LYRM4: variants seen among roughly 807,000 people sequenced by gnomAD.
The protein encoded by LYRM4 is LYR motif containing 4.
A neutral mutation model predicts 11.7 loss-of-function variants in LYRM4; 9 were observed. The ratio of observed to expected loss-of-function variants is 0.77; its 90% confidence interval spans 0.46 to 1.34. The LOEUF (loss-of-function observed/expected upper bound fraction) is 1.34, where lower values mean the gene tolerates loss of function less well. LYRM4 is among the 40% of genes most tolerant of loss of function. LYRM4 has a pLI of 0.00. For synonymous variants in LYRM4, 42 were observed against 40.4 expected (o/e 1.04, Z -0.15); for missense variants, 133 against 112.5 (o/e 1.18, Z -0.82).
chr6:5,062,335 T>C, the LYRM4 span, among the ~76,000 whole-genome samples: 2 of 149,900 alleles, frequency 1.3e-5, no homozygotes, highest in Non-Finnish European at 3.0e-5. Flanking sequence ...TATTAACATA[T>C]ATATATATGT....
At chr6:5,043,471 C>G in the LYRM4 span, 1 of 152,162 alleles carries the variant, frequency 6.6e-6, no homozygotes, top group African/African-American at 2.4e-5. Context: ...TGATGGCCTT[C>G]TTTCTAAGTC....
intron 2 of LYRM4, among the ~76,000 whole-genome samples, chr6:5,153,507 G>C: frequency 6.6e-6 from 1 of 152,232 alleles, no homozygotes; most frequent in East Asian, 1.9e-4. Context: ...ATGAAGTGCT[G>C]CTGTTCGGTG....
chr6:5,192,309 G>T, intron 2 of LYRM4, among the ~76,000 whole-genome samples: 1 of 152,232 alleles, frequency 6.6e-6, no homozygotes, highest in South Asian at 2.1e-4. Flanking sequence ...ACGGCTGGGG[G>T]CAAGGCAGGA....
At chr6:5,115,431 C>T (rs1763074811) in intron 2 of LYRM4, among the ~76,000 whole-genome samples, 1 of 152,206 alleles carries the variant, frequency 6.6e-6, no homozygotes, top group African/African-American at 2.4e-5. Flanking sequence ...GCCGTATTCT[C>T]TATGCGGCGG....
intron 2 of LYRM4, among the ~76,000 whole-genome samples, chr6:5,143,103 C>G (rs1363167087): frequency 6.6e-6 from 1 of 152,234 alleles, no homozygotes; most frequent in South Asian, 2.1e-4. Context: ...AGTGATGCCA[C>G]TTCCTGTTCA....
chr6:5,064,074 C>G, the LYRM4 span, among the ~76,000 whole-genome samples: 3 of 152,192 alleles, frequency 2.0e-5, no homozygotes, highest in African/African-American at 7.2e-5. Context: ...GGAGCCCATT[C>G]TCAACTTGTG....
At chr6:5,152,311 A>G (rs118069822) in intron 2 of LYRM4, among the ~76,000 whole-genome samples, 2 of 152,242 alleles carry the variant, frequency 1.3e-5, no homozygotes, top group East Asian at 1.9e-4. Context: ...TGTGATGCCA[A>G]AAGCATTTCC....
At chr6:5,153,786 C>T (rs1581391558) in intron 2 of LYRM4, among the ~76,000 whole-genome samples, 1 of 152,162 alleles carries the variant, frequency 6.6e-6, no homozygotes, top group Non-Finnish European at 1.5e-5. Flanking sequence ...TGTTCATGAA[C>T]ACTCAAATGA....
intron 2 of LYRM4, among the ~76,000 whole-genome samples, chr6:5,173,726 G>C (rs1320525283): frequency 2.6e-5 from 4 of 152,188 alleles, no homozygotes; most frequent in Non-Finnish European, 5.9e-5. Context: ...ACAGTCCATT[G>C]CTCTGAGTGT....
chr6:5,130,276 T>C (rs139560428), intron 2 of LYRM4, among the ~76,000 whole-genome samples: 13 of 152,204 alleles, frequency 8.5e-5, no homozygotes, highest in African/African-American at 2.4e-4. Context: ...CTGGGATTAG[T>C]GGGCCTGGAG....
At chr6:5,198,644 T>C (rs1168947168) in intron 2 of LYRM4, among the ~76,000 whole-genome samples, 1 of 152,192 alleles carries the variant, frequency 6.6e-6, no homozygotes, top group Non-Finnish European at 1.5e-5. Flanking sequence ...CATTGCCCAG[T>C]AATACCCATC....
At chr6:5,112,023 AAGGGACAGTCGTGGCAGAC>A (rs1762902932) in intron 2 of LYRM4, among the ~76,000 whole-genome samples, 1 of 152,214 alleles carries the variant, frequency 6.6e-6, no homozygotes. Flanking sequence ...GAACCTGGCC[AAGGGACAGTCGTGGCAGAC>A]AGGGAGGGGA....
chr6:5,203,455 T>C (rs181772462), intron 2 of LYRM4, among the ~76,000 whole-genome samples: 4 of 152,318 alleles, frequency 2.6e-5, no homozygotes, highest in African/African-American at 9.6e-5. Context: ...TCCCATTTTT[T>C]ACTTCCAAAC....
At chr6:5,236,480 A>G (rs1264973343) in intron 1 of LYRM4, 2 of 152,074 alleles carry the variant, frequency 1.3e-5, no homozygotes, top group Non-Finnish European at 2.9e-5. Flanking sequence ...AAAGGAAAAA[A>G]AAAAAGTGTT....
intron 2 of LYRM4, among the ~76,000 whole-genome samples, chr6:5,182,936 A>G (rs568832031): frequency 6.6e-6 from 1 of 152,370 alleles, no homozygotes; most frequent in South Asian, 2.1e-4. Flanking sequence ...ATCTGCATGC[A>G]TGATTTTTAT....
intron 2 of LYRM4, among the ~76,000 whole-genome samples, chr6:5,187,201 T>C (rs1760455091): frequency 6.6e-6 from 1 of 152,062 alleles, no homozygotes; most frequent in Non-Finnish European, 1.5e-5. Context: ...AAGGTGAAAA[T>C]ATGTGATCTT....
chr6:5,239,470 G>T (rs1196390239), intron 1 of LYRM4, among the ~76,000 whole-genome samples: 1 of 152,074 alleles, frequency 6.6e-6, no homozygotes, highest in Non-Finnish European at 1.5e-5. Context: ...CACAAGGTTG[G>T]AGCCATGAGT....
the LYRM4 span, among the ~76,000 whole-genome samples, chr6:5,052,979 A>T: frequency 6.6e-6 from 1 of 152,340 alleles, no homozygotes; most frequent in Non-Finnish European, 1.5e-5. Flanking sequence ...AAGACCAGTT[A>T]CTGTCTCTTA....
chr6:5,101,970 T>TTC (rs1554124644), downstream of LYRM4, among the ~76,000 whole-genome samples: 1 of 126,028 alleles, frequency 7.9e-6, no homozygotes, highest in South Asian at 2.6e-4. Flanking sequence ...AATGCTTTCT[T>TTC]TTTTTTTTTT....
Sources: allele counts gnomAD v4.1 joint callset (sites outside exome capture counted in the v4.1 genomes callset), GRCh38; gene constraint gnomAD v4.1.1; transcripts MANE v1.5; gene names NCBI Gene and HGNC (gene_info 2026-07-23, HGNC 2026-07-21).